Variants in SARDH observed in about 807,000 individuals in gnomAD.
SARDH encodes sarcosine dehydrogenase.
SARDH carries 95 observed loss-of-function variants against 109.1 expected under a neutral mutation model. The observed-to-expected ratio is 0.87, with a 90% CI of 0.74 to 1.03. The LOEUF is 1.03. Among genes scored for constraint, SARDH ranks in the 50% least tolerant of loss-of-function variants. The pLI, the probability that SARDH is intolerant of heterozygous loss-of-function variation, is 0.00. For synonymous variants in SARDH, 572 were observed against 534.8 expected, an observed-to-expected ratio of 1.07 and a Z score of -0.96; for missense variants, 1,267 against 1,287.8, an observed-to-expected ratio of 0.98 and a Z score of 0.25.
chr9:133,663,783 A>G lies in SARDH; in HGVS notation c.*106T>C. ...GCAGGACTAGGCCTAGGCTAAGGAC[A>G]GGGAGGGCACAAGTTCTGGCTGGGT... is the stretch of plus-strand genomic sequence containing the variant. On this transcript the variant is annotated 3_prime_UTR_variant, in exon 21 of 21. Coordinates refer to ENST00000439388, the MANE Select transcript of SARDH (RefSeq NM_001134707.2). 1 of 1,495,646 alleles carries G rather than the reference A, an allele frequency of 6.7e-7. No homozygotes were observed. The highest frequency in any genetic ancestry group is 9.1e-7 in the Non-Finnish European group (1 of 1,096,416). 92.6% of individuals were successfully genotyped at this position (1,495,646 alleles called of 1,614,324 possible). A position where few individuals can be genotyped will look rare whatever the true frequency, so the allele number is the denominator to read the frequency against.
chr9:133,729,668 C>A, intron 6 of SARDH, 97 bp downstream of exon 6: 14 of 1,025,936 alleles, frequency 1.4e-5, no homozygotes, highest in Non-Finnish European at 2.0e-5. Flanking sequence ...AGTGAGGGGA[C>A]CCACAAGGGT....
rs1056678512 is a variant in SARDH, at chr9:133,702,474, C to T, written c.1668+442G>A. Among the ~76,000 whole-genome samples, 58 of 152,244 alleles carry T rather than the reference C, an allele frequency of 3.8e-4. 1 individual carries two copies. Among genetic ancestry groups the T allele is most frequent in the Non-Finnish European group, 7.6e-4 (52 of 68,046 alleles). On this transcript the variant is annotated intron_variant, in intron 13 of 20. Coordinates refer to ENST00000439388, the MANE Select transcript of SARDH (RefSeq NM_001134707.2). ...TGCTTGTCCCTTGGAGGGGCCCATACGGGGCCTGATGCCCAGGAGCCTGCG... is the reference window on the plus strand; with the variant it reads ...TGCTTGTCCCTTGGAGGGGCCCATATGGGGCCTGATGCCCAGGAGCCTGCG...
At chr9:133,716,857 G>A (rs1832141778) in intron 8 of SARDH, among the ~76,000 whole-genome samples, 1 of 152,238 alleles carries the variant, frequency 6.6e-6, no homozygotes, top group Non-Finnish European at 1.5e-5. Flanking sequence ...CTCTCTGGGA[G>A]CGGTGGGGGC....
chr9:133,660,195 G>C (rs1041210019), downstream of SARDH, among the ~76,000 whole-genome samples: 2 of 152,060 alleles, frequency 1.3e-5, no homozygotes, highest in African/African-American at 4.8e-5. Flanking sequence ...TAACCCCGTG[G>C]TTGCTGAGAG....
At chr9:133,700,156 G>A (rs1479519684) in intron 13 of SARDH, among the ~76,000 whole-genome samples, 3 of 152,018 alleles carry the variant, frequency 2.0e-5, no homozygotes, top group East Asian at 1.9e-4. Flanking sequence ...GTGAAATCCC[G>A]TCTCTATTAA....
chr9:133,715,740 T>G (rs375636480), intron 8 of SARDH, among the ~76,000 whole-genome samples: 27 of 152,064 alleles, frequency 1.8e-4, no homozygotes, highest in African/African-American at 5.1e-4. Context: ...ACTCAAATGC[T>G]CTCTACAGCT....
In SARDH at chr9:133,728,831, G is replaced by A. The variant is rs1342963097; in HGVS notation, c.915+934C>T. On this transcript the variant is annotated intron_variant, in intron 6 of 20. Coordinates refer to ENST00000439388, the MANE Select transcript of SARDH (RefSeq NM_001134707.2). The surrounding 1 kb of genome is among the most constrained non-coding windows in gnomAD (Gnocchi z 5.0). Reference sequence around the variant, plus strand: ...GTGGATGCTGAAGGAAGGGCAGAGGGAGAGATGAGTGGCTAGAGGGAGGGA... The same window carrying A: ...GTGGATGCTGAAGGAAGGGCAGAGGAAGAGATGAGTGGCTAGAGGGAGGGA... 6.9e-6 allele frequency among the ~76,000 whole-genome samples: 1 copy of A among 144,704 alleles called. No individual in the cohort carries two copies. Among genetic ancestry groups the A allele is most frequent in the Non-Finnish European group, 1.5e-5 (1 of 65,678 alleles). 94.9% of individuals were successfully genotyped at this position (144,704 alleles called of 152,430 possible). A position where few individuals can be genotyped will look rare whatever the true frequency, so the allele number is the denominator to read the frequency against.
chr9:133,690,617 A>G, intron 15 of SARDH, 90 bp from the exon 16 acceptor site: 1 of 1,444,196 alleles, frequency 6.9e-7, no homozygotes, highest in African/African-American at 1.4e-5. Flanking sequence ...CCGGCTGAGA[A>G]AACAAATGCC....
intron 13 of SARDH, 115 bp downstream of exon 13, chr9:133,702,801 C>G (rs1035805339): frequency 4.7e-6 from 4 of 855,568 alleles, no homozygotes; most frequent in Middle Eastern, 2.6e-4. Flanking sequence ...ATGCAGAGCC[C>G]GAAGAGACTC....
intron 8 of SARDH, among the ~76,000 whole-genome samples, chr9:133,715,004 G>A (rs946241268): frequency 6.6e-5 from 10 of 152,306 alleles, no homozygotes; most frequent in African/African-American, 2.2e-4. Flanking sequence ...TGAGTAACCC[G>A]AGGACACATG....
chr9:133,681,293 A>T (rs1378778544), intron 17 of SARDH, among the ~76,000 whole-genome samples: 1 of 152,186 alleles, frequency 6.6e-6, no homozygotes, highest in Admixed American at 6.5e-5. Context: ...GTCCCAGGGC[A>T]GAGCCCCCCA....
intron 6 of SARDH, among the ~76,000 whole-genome samples, chr9:133,720,058 C>T (rs1832272476): frequency 6.6e-6 from 1 of 151,540 alleles, no homozygotes; most frequent in East Asian, 1.9e-4. Flanking sequence ...TGCAGTGAGC[C>T]GAGATCGTGC....
intron 11 of SARDH, among the ~76,000 whole-genome samples, chr9:133,708,064 C>T (rs10993773): frequency 0.013 from 1,947 of 152,236 alleles, 43 homozygotes; most frequent in African/African-American, 0.043. Flanking sequence ...CAGAAGCCCC[C>T]GGGTGGGAGG....
chr9:133,676,252 G>A (rs1830507384), intron 17 of SARDH, among the ~76,000 whole-genome samples: 1 of 152,196 alleles, frequency 6.6e-6, no homozygotes, highest in African/African-American at 2.4e-5. Flanking sequence ...AGTGAAGGGA[G>A]CCAGTCACAG....
intron 6 of SARDH, among the ~76,000 whole-genome samples, chr9:133,720,898 T>G (rs1197105791): frequency 6.6e-6 from 1 of 151,986 alleles, no homozygotes; most frequent in Non-Finnish European, 1.5e-5. Context: ...GGTCTTTAAA[T>G]GAGATATGAT....
chr9:133,681,029 G>A (rs374264104), intron 17 of SARDH, among the ~76,000 whole-genome samples: 9 of 152,362 alleles, frequency 5.9e-5, no homozygotes, highest in African/African-American at 2.2e-4. Context: ...AAATCTGTGC[G>A]CTAAGGTCGT....
rs1831623434 is a variant in SARDH at position 133,704,779 on chromosome 9, G to C, written c.1554+169C>G. Reference sequence around the variant, plus strand: ...GGCACAAAGAATGCACTGAGCCTTGGGGGCAGGTCGGCAGGGCTCGGCTTC... The same window carrying C: ...GGCACAAAGAATGCACTGAGCCTTGCGGGCAGGTCGGCAGGGCTCGGCTTC... On this transcript the variant is annotated intron_variant, in intron 12 of 20. Transcript: ENST00000439388. This position sits in a 1 kb window ranked among gnomAD's most constrained non-coding sequence, Gnocchi z 4.5. Among the ~76,000 whole-genome samples, 1 of 152,154 alleles carries C rather than the reference G, an allele frequency of 6.6e-6. No individual in the cohort carries two copies. Among genetic ancestry groups the C allele is most frequent in the South Asian group, 2.1e-4 (1 of 4,818 alleles).
At chr9:133,670,347 AAG>A (rs1315196817) in intron 19 of SARDH, among the ~76,000 whole-genome samples, 5 of 151,518 alleles carry the variant, frequency 3.3e-5, no homozygotes, top group South Asian at 4.1e-4. Context: ...AAAAAAAAAA[AAG>A]AGCAAACTCT....
chr9:133,708,191 C>A, intron 11 of SARDH, 96 bp downstream of exon 11: 1 of 1,419,452 alleles, frequency 7.0e-7, no homozygotes, highest in Non-Finnish European at 9.4e-7. Context: ...ACCTGACCTG[C>A]GGTTGGGGTA....
Sources: gnomAD v4.1 joint callset for allele counts (sites outside exome capture counted in the v4.1 genomes callset) on GRCh38, gnomAD v4.1.1 for gene constraint, Gnocchi (gnomAD v3.1) non-coding constraint, MANE v1.5 for transcripts, NCBI Gene and HGNC (gene_info 2026-07-23, HGNC 2026-07-21) for gene names.